The following SCN8A variants were observed in gnomAD, a reference collection of about 807,000 sequenced individuals.
The protein encoded by SCN8A is sodium channel protein type 8 subunit alpha.
In SCN8A, 30 loss-of-function variants were observed where a neutral mutation model predicts 184.1. The ratio of observed to expected loss-of-function variants is 0.16; its 90% CI spans 0.12 to 0.22. SCN8A has a LOEUF of 0.22. SCN8A is among the 10% of genes least tolerant of loss of function. SCN8A has a pLI of 1.00. For missense variants in SCN8A, 1,057 were observed against 2,498.9 expected, an observed-to-expected ratio of 0.42 and a Z score of 12.30; for synonymous variants, 852 against 907.0, an observed-to-expected ratio of 0.94 and a Z score of 1.09.
At chr12:51,800,417 G>A (rs1383156027) in intron 26 of SCN8A, among the ~76,000 whole-genome samples, 1 of 152,210 alleles carries the variant, frequency 6.6e-6, no homozygotes, top group Non-Finnish European at 1.5e-5. Context: ...CACCACCCCT[G>A]CATCTTTCAA....
intron 2 of SCN8A, among the ~76,000 whole-genome samples, chr12:51,666,068 GA>G (rs1215701600): frequency 6.6e-6 from 1 of 151,286 alleles, no homozygotes; most frequent in Admixed American, 6.6e-5. Flanking sequence ...TCTCAAAAAA[GA>G]AAAAAAGAAA....
At chr12:51,696,389 TATA>T (rs1222198150) in intron 6 of SCN8A, among the ~76,000 whole-genome samples, 6 of 152,208 alleles carry the variant, frequency 3.9e-5, no homozygotes, top group African/African-American at 1.2e-4. Flanking sequence ...CCAGTCAAAA[TATA>T]ATGAGGACTT....
chr12:51,752,338 A>G (rs1416646728), intron 14 of SCN8A, among the ~76,000 whole-genome samples: 2 of 151,874 alleles, frequency 1.3e-5, no homozygotes, highest in East Asian at 1.9e-4. Flanking sequence ...AAATCTGGCT[A>G]TTACCGTTTA....
chr12:51,704,981 A>T (rs184390810), intron 9 of SCN8A, among the ~76,000 whole-genome samples: 31 of 152,298 alleles, frequency 2.0e-4, no homozygotes, highest in Admixed American at 8.5e-4. Flanking sequence ...TCTCAAAAAA[A>T]AAATAAATAA....
intron 2 of SCN8A, among the ~76,000 whole-genome samples, chr12:51,678,079 T>C (rs1941255994): frequency 6.6e-6 from 1 of 152,242 alleles, no homozygotes; most frequent in South Asian, 2.1e-4. Flanking sequence ...CTTTTCTGGA[T>C]TCCCACCAGA....
At chr12:51,670,030 TA>T (rs1456834620) in intron 2 of SCN8A, among the ~76,000 whole-genome samples, 2 of 152,240 alleles carry the variant, frequency 1.3e-5, no homozygotes, top group Non-Finnish European at 1.5e-5. Flanking sequence ...ATTTTGTTGT[TA>T]AAAATTTTTT....
Position 51,765,841 on chromosome 12 carries a change from C to G in SCN8A, c.2715C>G (p.Val905=), listed in dbSNP as rs770685361. Reference sequence around the variant, plus strand: ...TTGGAAAAAGCTACAAAGAGTGTGTCTGCAAGATCAACCAGGACTGTGAAC... The same window carrying G: ...TTGGAAAAAGCTACAAAGAGTGTGTGTGCAAGATCAACCAGGACTGTGAAC... ...QLFGKSYKEC[V]CKINQDCELP... is the part of the protein sequence containing the mutation. The change falls in exon 16 of 27, where the codon GTC becomes GTG. Residue 905 remains valine (V), a synonymous_variant. Coordinates refer to ENST00000627620, the MANE Select transcript of SCN8A (RefSeq NM_001330260.2). The G allele has an allele frequency of 5.6e-6, 9 of 1,614,054 alleles. No homozygotes were observed. Among genetic ancestry groups the G allele is most frequent in the Middle Eastern group, 1.6e-4 (1 of 6,062 alleles).
chr12:51,744,776 G>T (rs1361569984), intron 12 of SCN8A, among the ~76,000 whole-genome samples: 1 of 152,072 alleles, frequency 6.6e-6, no homozygotes, highest in Non-Finnish European at 1.5e-5. Context: ...ACTTTCTTCT[G>T]TTCAGTCCTT....
chr12:51,603,701 C>G (rs1202796091), intron 1 of SCN8A, among the ~76,000 whole-genome samples: 1 of 152,030 alleles, frequency 6.6e-6, no homozygotes, highest in Non-Finnish European at 1.5e-5. Flanking sequence ...GCTCTGTATC[C>G]TCATTGGCAC....
intron 1 of SCN8A, among the ~76,000 whole-genome samples, chr12:51,607,361 A>G (rs760944057): frequency 6.6e-6 from 1 of 152,178 alleles, no homozygotes; most frequent in Non-Finnish European, 1.5e-5. Flanking sequence ...AAATGATCAT[A>G]TCGTCAGCAA....
At chr12:51,706,738 C>T (rs1005332246) in intron 11 of SCN8A, 23 bp downstream of exon 11, 3 of 1,462,506 alleles carry the variant, frequency 2.1e-6, no homozygotes, top group South Asian at 1.6e-5. Flanking sequence ...TTTTTCTATA[C>T]CTTTTTCAAA....
intron 1 of SCN8A, among the ~76,000 whole-genome samples, chr12:51,608,123 C>T (rs1939638308): frequency 6.6e-6 from 1 of 151,414 alleles, no homozygotes; most frequent in African/African-American, 2.4e-5. Context: ...CGGGTTCACA[C>T]CATTCTCCTG....
chr12:51,736,603 A>C (rs1460875102), intron 12 of SCN8A, among the ~76,000 whole-genome samples: 1 of 152,228 alleles, frequency 6.6e-6, no homozygotes, highest in African/African-American at 2.4e-5. Context: ...AATAGCAACT[A>C]GGCCATCAGC....
chr12:51,743,567 G>A (rs1194021653), intron 12 of SCN8A, among the ~76,000 whole-genome samples: 2 of 152,178 alleles, frequency 1.3e-5, no homozygotes, highest in Non-Finnish European at 2.9e-5. Context: ...TTGAACTGGA[G>A]TGTGTTGATG....
chr12:51,603,836 T>C (rs1452382056), intron 1 of SCN8A, among the ~76,000 whole-genome samples: 2 of 152,200 alleles, frequency 1.3e-5, no homozygotes, highest in Non-Finnish European at 2.9e-5. Context: ...TATCTTTTCA[T>C]GTGCTCTCTG....
Position 51,769,332 on chromosome 12 carries a change from A to T in SCN8A, c.3369A>T (p.Lys1123Asn). 1.9e-6 allele frequency: 3 copies of T among 1,579,548 alleles called. No homozygotes were observed. The highest frequency in any genetic ancestry group is 2.6e-6 in the Non-Finnish European group (3 of 1,159,312). ...GCGAGTCGGATCCTGAAGGCAGCAA[A>T]GATGTAAGGTCCCAGCCTAGAAACA... ...VSSESDPEGS[K>N]DKLDDTSSSE... The change falls in exon 17 of 27, where the codon AAA becomes AAT. Residue 1123 changes from lysine to asparagine, a missense_variant. This residue lies in a region of SCN8A where 178 missense variants were observed against 259.6 expected (regional missense o/e 0.69). Transcript: ENST00000627620.
chr12:51,766,904 C>T (rs1267917743), intron 16 of SCN8A, among the ~76,000 whole-genome samples: 1 of 152,130 alleles, frequency 6.6e-6, no homozygotes, highest in Non-Finnish European at 1.5e-5. Context: ...GCCCCTAATC[C>T]CACCTGCAAG....
At chr12:51,755,390 GTCT>G (rs1942658304) in intron 14 of SCN8A, among the ~76,000 whole-genome samples, 2 of 152,280 alleles carry the variant, frequency 1.3e-5, no homozygotes, top group African/African-American at 4.8e-5. Context: ...CCTTTCACAT[GTCT>G]TCTTCACTTC....
chr12:51,762,891 A>G (rs540474139), intron 15 of SCN8A, among the ~76,000 whole-genome samples: 15 of 152,368 alleles, frequency 9.8e-5, no homozygotes, highest in African/African-American at 3.1e-4. Context: ...ACAGAAATCA[A>G]TTTTAAGAAG....
Sources: gnomAD v4.1 joint callset for allele counts (sites outside exome capture counted in the v4.1 genomes callset) on GRCh38, gnomAD v4.1.1 for gene constraint, gnomAD v4.1.1 regional missense constraint, MANE v1.5 for transcripts, NCBI Gene and HGNC (gene_info 2026-07-23, HGNC 2026-07-21) for gene names.